Variants in UBOX5 observed in about 807,000 individuals in gnomAD.
UBOX5 encodes the protein U-box domain containing 5.
A neutral mutation model predicts 39.0 loss-of-function variants in UBOX5; 28 were observed. The observed-to-expected ratio is 0.72, with a 90% CI of 0.53 to 0.98. UBOX5 has a LOEUF of 0.98. UBOX5 is among the 50% of genes least tolerant of loss of function. The pLI is 0.00. For synonymous variants in UBOX5, 283 were observed against 275.5 expected (o/e 1.03, Z -0.27); for missense variants, 585 against 674.4 (o/e 0.87, Z 1.47).
In UBOX5 at chr20:3,109,957, T is replaced by C; in HGVS notation, c.*149A>G. 2 of 868,316 alleles carry C rather than the reference T, an allele frequency of 2.3e-6. No individual in the cohort carries two copies. Among genetic ancestry groups the C allele is most frequent in the Non-Finnish European group, 3.6e-6 (2 of 559,640 alleles). 53.8% of individuals were successfully genotyped at this position (868,316 alleles called of 1,614,324 possible). A position where few individuals can be genotyped will look rare whatever the true frequency, so the allele number is the denominator to read the frequency against. ...TGCCACCAGCGCAGAAGCAATGTGC[T>C]ATACCGTGAGGTGATGAAGAAGAGC... On this transcript the variant is annotated 3_prime_UTR_variant, in exon 5 of 5. Transcript: ENST00000217173.
Position 3,109,800 on chromosome 20 carries a change from G to C in UBOX5, c.*306C>G, listed in dbSNP as rs1373993778. Reference sequence around the variant, plus strand: ...GGACAGGGGGGTATGCGGACTGCACGGGGGGGCCCTCAGCAGGGGTCTTCC... The same window carrying C: ...GGACAGGGGGGTATGCGGACTGCACCGGGGGGCCCTCAGCAGGGGTCTTCC... On this transcript the variant is annotated 3_prime_UTR_variant, in exon 5 of 5. Transcript: ENST00000217173. The C allele has an allele frequency of 4.6e-6, 2 of 437,500 alleles. No individual in the cohort carries two copies. The allele number at this position is 437,500 out of a possible 1,614,324, so 27.1% of individuals were successfully genotyped here.
chr20:3,151,879 C>G (rs924913041), intron 1 of UBOX5: 17 of 151,062 alleles, frequency 1.1e-4, no homozygotes, highest in Non-Finnish European at 2.1e-4. Context: ...CCAAGGCAGG[C>G]AGATCACTTG....
intron 1 of UBOX5, among the ~76,000 whole-genome samples, chr20:3,129,724 CTT>C (rs2066415326): frequency 6.6e-6 from 1 of 152,164 alleles, no homozygotes; most frequent in Non-Finnish European, 1.5e-5. Flanking sequence ...AAAATTTTCT[CTT>C]TGGTCTCAGT....
At chr20:3,125,396 G>A (rs1436596838) in intron 1 of UBOX5, among the ~76,000 whole-genome samples, 6 of 132,704 alleles carry the variant, frequency 4.5e-5, no homozygotes, top group African/African-American at 1.2e-4. Flanking sequence ...GGGAGGTGAG[G>A]AGCGCCTCTG....
In UBOX5 at chr20:3,121,759, G is replaced by A. The variant is rs777782566; in HGVS notation, c.880C>T (p.Arg294Cys). ...ACTCGGCCCCATGTGGCTTCACTGC[G>A]GTTACACTTCTCCAGTGTGCTCTGG... is the stretch of plus-strand genomic sequence containing the variant. ...IDQSTLEKCNRSEATWGRVPS... is the reference protein window; with the variant it reads ...IDQSTLEKCNCSEATWGRVPS... Residue 294 changes from arginine to cysteine, a missense_variant, in exon 3 of 5, where the codon CGC (arginine) becomes TGC (cysteine). By Grantham distance (180) the Arg-to-Cys change is radical (BLOSUM62 -3). Coordinates refer to ENST00000217173, the MANE Select transcript of UBOX5 (RefSeq NM_014948.4). 11 of 1,613,962 alleles carry A rather than the reference G, an allele frequency of 6.8e-6. No homozygotes were observed. The highest frequency in any genetic ancestry group is 4.5e-5 in the East Asian group (2 of 44,856).
At chr20:3,123,667 G>T (rs537503770) in intron 1 of UBOX5, among the ~76,000 whole-genome samples, 8 of 152,198 alleles carry the variant, frequency 5.3e-5, no homozygotes, top group Non-Finnish European at 1.0e-4. Context: ...CTGTTCCAAA[G>T]ACCCAATGGA....
chr20:3,150,077 A>G (rs1241726521), intron 1 of UBOX5, among the ~76,000 whole-genome samples: 1 of 152,038 alleles, frequency 6.6e-6, no homozygotes, highest in African/African-American at 2.4e-5. Context: ...CTGTTCTTAT[A>G]GCGCAAAACT....
intron 1 of UBOX5, among the ~76,000 whole-genome samples, chr20:3,128,762 C>T (rs945441134): frequency 5.3e-5 from 8 of 151,910 alleles, no homozygotes; most frequent in African/African-American, 1.5e-4. Flanking sequence ...ACTTGGGAGG[C>T]GGAGGCAAGA....
intron 1 of UBOX5, among the ~76,000 whole-genome samples, chr20:3,133,163 T>TCC (rs2148605867): frequency 1.3e-5 from 2 of 152,280 alleles, no homozygotes; most frequent in African/African-American, 4.8e-5. Context: ...ACAGTAGGAT[T>TCC]CCGTAAGAAC....
At chr20:3,122,809 C>G (rs188659959) in intron 2 of UBOX5, among the ~76,000 whole-genome samples, 275 of 151,732 alleles carry the variant, frequency 1.8e-3, no homozygotes, top group Non-Finnish European at 3.4e-3. Context: ...CTGAGCTGGG[C>G]ATGTTGGTAC....
intron 1 of UBOX5, among the ~76,000 whole-genome samples, chr20:3,141,651 A>T (rs141840789): frequency 1.1e-4 from 17 of 151,390 alleles, no homozygotes; most frequent in African/African-American, 4.1e-4. Context: ...CGTCTCAAAA[A>T]AATAAATAAA....
intron 1 of UBOX5, among the ~76,000 whole-genome samples, chr20:3,156,436 C>T (rs2066686711): frequency 1.3e-5 from 2 of 152,122 alleles, no homozygotes; most frequent in Admixed American, 1.3e-4. Context: ...GCCTTGGCCT[C>T]CCAAAGTACT....
chr20:3,148,908 T>C (rs1327526118), intron 1 of UBOX5: 1 of 1,614,168 alleles, frequency 6.2e-7, no homozygotes, highest in East Asian at 2.2e-5. Context: ...TTCTTAACTT[T>C]TTTGGCAGAA....
At chr20:3,154,880 A>G (rs6139019) in intron 1 of UBOX5, among the ~76,000 whole-genome samples, 17,849 of 151,558 alleles carry the variant, frequency 0.12, 2,115 homozygotes, top group East Asian at 0.41. Context: ...CTAGAGCCTC[A>G]AAGTCCATAA....
At chr20:3,155,263 C>T (rs1012183077) in intron 1 of UBOX5, among the ~76,000 whole-genome samples, 1 of 151,978 alleles carries the variant, frequency 6.6e-6, no homozygotes, top group Non-Finnish European at 1.5e-5. Flanking sequence ...GGCACAGCGG[C>T]TCAAGTCTGT....
intron 1 of UBOX5, among the ~76,000 whole-genome samples, chr20:3,154,925 C>T (rs1011749778): frequency 1.3e-5 from 2 of 151,390 alleles, no homozygotes; most frequent in Non-Finnish European, 2.9e-5. Context: ...TGGTGGCTCA[C>T]AACTGTAATC....
intron 4 of UBOX5, 103 bp downstream of exon 4, chr20:3,115,202 C>A: frequency 7.1e-7 from 1 of 1,410,246 alleles, no homozygotes; most frequent in Non-Finnish European, 9.3e-7. Flanking sequence ...GGGAGGCTGG[C>A]CAGGCAGGTC....
At chr20:3,115,551 C>T (rs1600362090) in intron 3 of UBOX5, 85 bp from the exon 4 acceptor site, 3 of 1,420,074 alleles carry the variant, frequency 2.1e-6, no homozygotes, top group Non-Finnish European at 2.8e-6. Context: ...GCTGTAAAAA[C>T]GGCACCTCCA....
intron 1 of UBOX5, 48 bp from the exon 2 acceptor site, chr20:3,123,454 C>T (rs11908519): frequency 0.095 from 131,269 of 1,387,460 alleles, 6,937 homozygotes; most frequent in Non-Finnish European, 0.11. Flanking sequence ...AAATTCAATT[C>T]TAAACTTTCA....
Sources: gnomAD v4.1 joint callset for allele counts (sites outside exome capture counted in the v4.1 genomes callset) on GRCh38, gnomAD v4.1.1 for gene constraint, MANE v1.5 for transcripts, NCBI Gene and HGNC (gene_info 2026-07-23, HGNC 2026-07-21) for gene names.